Variants in AMBRA1 observed in about 807,000 individuals in gnomAD.
AMBRA1 encodes autophagy and beclin 1 regulator 1.
A neutral mutation model predicts 125.4 loss-of-function variants in AMBRA1; 47 were observed. The observed-to-expected ratio is 0.37, with a 90% CI of 0.30 to 0.48. The LOEUF (loss-of-function observed/expected upper bound fraction) is 0.48. Ranked by LOEUF, AMBRA1 falls within the 20% of genes least tolerant of loss-of-function variation. The pLI is 0.99. For synonymous variants in AMBRA1, 626 were observed against 655.5 expected (o/e 0.95, Z 0.69); for missense variants, 1,331 against 1,693.4 (o/e 0.79, Z 3.76).
rs568678628 is a variant in AMBRA1, at chr11:46,421,061, C to T, written c.2977-3009G>A. On this transcript the variant is annotated intron_variant, in intron 14 of 17. Transcript: ENST00000683756. ...TCATTTGTTGCTGTACAGGGATTAA[C>T]AGGCAAATATTATCTATTTGCTTCT... Among the ~76,000 whole-genome samples, 18 of 152,356 alleles carry T rather than the reference C, an allele frequency of 1.2e-4. No homozygotes were observed. The South Asian group carries it at 3.5e-3, about 30-fold the overall frequency.
intron 14 of AMBRA1, chr11:46,428,679 G>A (rs574758112): frequency 4.6e-4 from 739 of 1,600,550 alleles, no homozygotes; most frequent in Non-Finnish European, 6.1e-4. Flanking sequence ...CCACGTCCAC[G>A]ACCAAATCCG....
At chr11:46,447,907 T>C (rs1948386510) in intron 11 of AMBRA1, among the ~76,000 whole-genome samples, 1 of 152,184 alleles carries the variant, frequency 6.6e-6, no homozygotes, top group Non-Finnish European at 1.5e-5. Context: ...TGTAAATAAA[T>C]ACATAAATAA....
chr11:46,545,607 A>G lies in AMBRA1; in HGVS notation c.548T>C (p.Val183Ala). Residue 183 changes from valine (V) to alanine (A), a missense_variant, in exon 5 of 18, where the codon GTC (valine) becomes GCC (alanine). This residue lies in a region of AMBRA1 where 144 missense variants were observed against 250.4 expected (regional missense o/e 0.58). Transcript: ENST00000683756. ...GCAGATGGGGCAGCGCACTCACCGG[A>G]CCCGTTCCATCTCACTAGCTGTCTT... ...VVKTASEMER[V>A]RLVRFDPLGH... The G allele has an allele frequency of 6.2e-7, 1 of 1,613,656 alleles. No homozygotes were observed. Among genetic ancestry groups the G allele is most frequent in the East Asian group, 2.2e-5 (1 of 44,880 alleles).
chr11:46,414,686 C>T (rs1946452892), intron 15 of AMBRA1, among the ~76,000 whole-genome samples: 1 of 152,060 alleles, frequency 6.6e-6, no homozygotes, highest in African/African-American at 2.4e-5. Context: ...GGCACAGCAG[C>T]AGCTTGGGCA....
chr11:46,473,821 T>G (rs1232921906), intron 11 of AMBRA1, among the ~76,000 whole-genome samples: 1 of 152,124 alleles, frequency 6.6e-6, no homozygotes, highest in East Asian at 1.9e-4. Flanking sequence ...CGGCTAACTT[T>G]TTGTATTTTT....
chr11:46,554,004 A>G (rs1405803129), intron 1 of AMBRA1, among the ~76,000 whole-genome samples: 1 of 152,168 alleles, frequency 6.6e-6, no homozygotes, highest in Non-Finnish European at 1.5e-5. Context: ...AGGATCAGAA[A>G]TCTAGACCTG....
chr11:46,494,441 T>C, intron 9 of AMBRA1: 2 of 440,400 alleles, frequency 4.5e-6, no homozygotes, highest in Non-Finnish European at 8.4e-6. Context: ...GGATTTTTCT[T>C]GAGTTAATGT....
intron 7 of AMBRA1, among the ~76,000 whole-genome samples, chr11:46,541,253 A>G (rs965802616): frequency 1.3e-5 from 2 of 152,202 alleles, no homozygotes; most frequent in African/African-American, 4.8e-5. Flanking sequence ...TAGGATGCCA[A>G]TCTGAGTATG....
intron 11 of AMBRA1, among the ~76,000 whole-genome samples, chr11:46,450,606 A>AT (rs1026846852): frequency 5.3e-5 from 8 of 151,240 alleles, no homozygotes; most frequent in African/African-American, 1.5e-4. Context: ...TGACCAGCTG[A>AT]TTTTTTTTGT....
chr11:46,413,467 G>C (rs117674325), intron 15 of AMBRA1, among the ~76,000 whole-genome samples: 2,205 of 152,166 alleles, frequency 0.014, 18 homozygotes, highest in Non-Finnish European at 0.024. Context: ...TCTGGCTACT[G>C]AAACTCTTAG....
At chr11:46,437,867 C>T (rs535599594) in intron 12 of AMBRA1, among the ~76,000 whole-genome samples, 9 of 152,324 alleles carry the variant, frequency 5.9e-5, no homozygotes, top group African/African-American at 1.9e-4. Context: ...CTATAGCTTA[C>T]ACACCATTAG....
chr11:46,489,761 C>T (rs978258460), intron 11 of AMBRA1, among the ~76,000 whole-genome samples: 2 of 152,194 alleles, frequency 1.3e-5, no homozygotes, highest in African/African-American at 4.8e-5. Context: ...TACCAGGAAG[C>T]TGTCAAATGC....
At chr11:46,431,349 G>C (rs1258090887) in intron 14 of AMBRA1, among the ~76,000 whole-genome samples, 1 of 152,232 alleles carries the variant, frequency 6.6e-6, no homozygotes, top group African/African-American at 2.4e-5. Context: ...CTGCTGGCTA[G>C]CTGCCTTGAG....
chr11:46,404,286 C>T (rs948525337), intron 17 of AMBRA1, among the ~76,000 whole-genome samples: 5 of 152,234 alleles, frequency 3.3e-5, no homozygotes, highest in African/African-American at 9.6e-5. Context: ...GCTGAACTCC[C>T]TGACCAGAGG....
At position 46,480,405 on chromosome 11, in the gene AMBRA1, T is replaced by C. The variant is rs1051059775; in HGVS notation, c.2521+13203A>G. On this transcript the variant is annotated intron_variant, in intron 11 of 17. Transcript: ENST00000683756. Reference sequence around the variant, plus strand: ...GCAAACTGCAATTGGACTCGCAGAATTGTGAGAAACAAGAAATGTCTTATG... The same window carrying C: ...GCAAACTGCAATTGGACTCGCAGAACTGTGAGAAACAAGAAATGTCTTATG... Among the ~76,000 whole-genome samples the C allele has an allele frequency of 2.6e-5, 4 of 152,174 alleles. No homozygotes were observed. In the Middle Eastern group the frequency reaches 0.01, roughly 388 times the overall value.
At chr11:46,520,175 G>A (rs1951697032) in intron 7 of AMBRA1, among the ~76,000 whole-genome samples, 2 of 149,510 alleles carry the variant, frequency 1.3e-5, no homozygotes, top group African/African-American at 4.9e-5. Flanking sequence ...GGCTCCTAAA[G>A]AGATTTCATT....
At chr11:46,426,070 TAAA>T (rs796784265) in intron 14 of AMBRA1, among the ~76,000 whole-genome samples, 1 of 87,198 alleles carries the variant, frequency 1.1e-5, no homozygotes. Context: ...CATCTCAAAA[TAAA>T]AAAAAAAAAA....
rs750898877 is a variant in AMBRA1 at position 46,543,065 on chromosome 11, G to A, written c.952C>T (p.Arg318Ter). 2 of 1,597,700 alleles carry A rather than the reference G, an allele frequency of 1.3e-6. No individual in the cohort carries two copies. The highest frequency in any genetic ancestry group is 8.5e-7 in the Non-Finnish European group (1 of 1,179,224). The change falls in exon 7 of 18, where the codon CGA (arginine) becomes TGA (stop). Residue 318 changes from arginine to a stop codon, truncating the protein, a stop_gained. Transcript: ENST00000683756. LOFTEE classifies it high-confidence loss of function. ...TGGTGTGGCAAGAGGGAAGGAACTCGAGTGCCAGAGCAGCGGCTGCAAAGG... is the reference window on the plus strand; with the variant it reads ...TGGTGTGGCAAGAGGGAAGGAACTCAAGTGCCAGAGCAGCGGCTGCAAAGG... Reference protein sequence around the residue: ...LCLCSRCSGTRVPSLLPHQDS... With the variant: ...LCLCSRCSGT
At chr11:46,565,842 T>C (rs2043509994) in intron 1 of AMBRA1, among the ~76,000 whole-genome samples, 1 of 152,042 alleles carries the variant, frequency 6.6e-6, no homozygotes, top group Admixed American at 6.6e-5. Flanking sequence ...GACCAATCTT[T>C]GCTCACTGCA....
Sources: allele counts gnomAD v4.1 joint callset (sites outside exome capture counted in the v4.1 genomes callset), GRCh38; gene constraint gnomAD v4.1.1; regional missense constraint gnomAD v4.1.1; transcripts MANE v1.5; gene names NCBI Gene and HGNC (gene_info 2026-07-23, HGNC 2026-07-21).